The following UPP2 variants were observed in gnomAD, a reference collection of about 807,000 sequenced individuals.
UPP2 encodes UPase 2.
UPP2 carries 23 observed loss-of-function variants against 26.7 expected under a neutral mutation model. The observed-to-expected ratio is 0.86, with a 90% CI of 0.62 to 1.22. The LOEUF is 1.22. Ranked by LOEUF, UPP2 falls within the 50% of genes most tolerant of loss-of-function variation. The pLI, the probability that UPP2 is intolerant of heterozygous loss-of-function variation, is 0.00. For missense variants in UPP2, 387 were observed against 396.7 expected, an observed-to-expected ratio of 0.98 and a Z score of 0.21; for synonymous variants, 127 against 141.3, an observed-to-expected ratio of 0.90 and a Z score of 0.72.
At chr2:158,112,528 G>C (rs1175086997) in intron 2 of UPP2, among the ~76,000 whole-genome samples, 1 of 151,976 alleles carries the variant, frequency 6.6e-6, no homozygotes, top group African/African-American at 2.4e-5. Flanking sequence ...ATAAATCTTT[G>C]TGACCTTGGA....
chr2:158,086,225 T>A (rs184288884), intron 3 of UPP2, among the ~76,000 whole-genome samples: 216 of 152,236 alleles, frequency 1.4e-3, no homozygotes, highest in African/African-American at 3.8e-3. Flanking sequence ...TGGTTTAATC[T>A]GGGAGGGTTA....
chr2:158,097,201 T>G (rs1260741498), upstream of UPP2, among the ~76,000 whole-genome samples: 2 of 152,160 alleles, frequency 1.3e-5, no homozygotes, highest in Non-Finnish European at 2.9e-5. Flanking sequence ...AGTATGACAC[T>G]TCTTATGTGG....
At position 158,073,993 on chromosome 2, in the gene UPP2, A is replaced by G. The variant is rs78493129; in HGVS notation, c.148-28047A>G. On this transcript the variant is annotated intron_variant, in intron 3 of 9. Coordinates refer to the UPP2 transcript ENST00000605860. ...AGCTTGAGACCAGCTTGGGCAATGCAGTGAGACCTTGTCTCTCCAAATTTT... is the reference window on the plus strand; with the variant it reads ...AGCTTGAGACCAGCTTGGGCAATGCGGTGAGACCTTGTCTCTCCAAATTTT... Among the ~76,000 whole-genome samples, 947 of 152,254 alleles carry G rather than the reference A, an allele frequency of 6.2e-3. 6 individuals are homozygous for G. Among genetic ancestry groups the G allele is most frequent in the Middle Eastern group, 0.034 (10 of 294 alleles).
intron 6 of UPP2, among the ~76,000 whole-genome samples, chr2:158,131,847 T>C (rs1683825790): frequency 6.6e-6 from 1 of 152,250 alleles, no homozygotes; most frequent in African/African-American, 2.4e-5. Flanking sequence ...GATTATTATA[T>C]GCTGCTCGCT....
chr2:158,128,339 A>C (rs1683736345), intron 6 of UPP2, among the ~76,000 whole-genome samples: 1 of 152,192 alleles, frequency 6.6e-6, no homozygotes, highest in Non-Finnish European at 1.5e-5. Flanking sequence ...GCTGTTCCCA[A>C]CAATGAAGGA....
chr2:158,083,875 A>G (rs1682771376), intron 3 of UPP2, among the ~76,000 whole-genome samples: 1 of 148,768 alleles, frequency 6.7e-6, no homozygotes. Context: ...TTTTATATAT[A>G]TATATATATC....
intron 3 of UPP2, among the ~76,000 whole-genome samples, chr2:158,073,408 GA>G (rs1682575766): frequency 6.6e-6 from 1 of 152,086 alleles, no homozygotes; most frequent in South Asian, 2.1e-4. Context: ...AAAAAGATAG[GA>G]GTAGAAAGTT....
intron 3 of UPP2, among the ~76,000 whole-genome samples, chr2:158,033,766 T>G (rs1305153026): frequency 1.3e-5 from 2 of 152,220 alleles, no homozygotes; most frequent in Non-Finnish European, 2.9e-5. Flanking sequence ...AATGCTACCA[T>G]TAGGAGAGAT....
chr2:158,102,312 C>T (rs762126013), intron 1 of UPP2, among the ~76,000 whole-genome samples, 187 bp downstream of exon 1: 2 of 152,040 alleles, frequency 1.3e-5, no homozygotes, highest in Non-Finnish European at 2.9e-5. Flanking sequence ...ATTTTTACTC[C>T]TTGGTTTTGG....
Position 158,019,639 on chromosome 2 carries a change from AACACACACACACACACAC to A in UPP2, c.147+3785_147+3802del, listed in dbSNP as rs57149695. 1.5e-3 allele frequency among the ~76,000 whole-genome samples: 213 copies of A among 141,196 alleles called. 1 individual carries two copies. Among genetic ancestry groups the A allele is most frequent in the African/African-American group, 4.2e-3 (164 of 38,840 alleles). 92.6% of individuals were successfully genotyped at this position (141,196 alleles called of 152,430 possible). A position where few individuals can be genotyped will look rare whatever the true frequency, so the allele number is the denominator to read the frequency against. ...AGTGGAAGGAAATACAATCCTTTAAAACACACACACACACACACACACACACACACACACACACACACA... is the reference window on the plus strand; with the variant it reads ...AGTGGAAGGAAATACAATCCTTTAAAACACACACACACACACACACACACA... On this transcript the variant is annotated intron_variant, in intron 3 of 9. Transcript: ENST00000605860.
chr2:158,014,501 T>TA (rs1181829937), intron 2 of UPP2, among the ~76,000 whole-genome samples: 1 of 152,172 alleles, frequency 6.6e-6, no homozygotes, highest in East Asian at 1.9e-4. Context: ...CATCTCTTAT[T>TA]AAAAAGTACA....
chr2:158,117,196 C>A (rs943760892), intron 3 of UPP2, among the ~76,000 whole-genome samples: 2 of 151,728 alleles, frequency 1.3e-5, no homozygotes, highest in Admixed American at 6.6e-5. Context: ...TGTGTTGATC[C>A]CTTTTCTGGT....
intron 3 of UPP2, among the ~76,000 whole-genome samples, chr2:158,048,009 G>GGTTA (rs1360792643): frequency 3.9e-5 from 6 of 152,130 alleles, no homozygotes; most frequent in African/African-American, 1.4e-4. Context: ...GTTCAGTGAG[G>GGTTA]GTTAATGAAG....
Position 158,134,991 on chromosome 2 carries a change from C to A in UPP2, c.*101C>A. 2 of 1,332,514 alleles carry A rather than the reference C, an allele frequency of 1.5e-6. No individual in the cohort carries two copies. Among genetic ancestry groups the A allele is most frequent in the South Asian group, 1.9e-5 (1 of 51,498 alleles). 82.5% of individuals were successfully genotyped at this position (1,332,514 alleles called of 1,614,324 possible). A position where few individuals can be genotyped will look rare whatever the true frequency, so the allele number is the denominator to read the frequency against. The stretch of plus-strand genomic sequence containing the variant: ...TGTGGCATTTTTATATAGTTCTCAT[C>A]CACATGCTAAATGGAAAGACTTTAT... On this transcript the variant is annotated 3_prime_UTR_variant, in exon 7 of 7. Coordinates refer to ENST00000005756, the MANE Select transcript of UPP2 (RefSeq NM_173355.4).
chr2:158,096,746 A>G lies in UPP2; in HGVS notation c.148-5294A>G, dbSNP rs193199028. Among the ~76,000 whole-genome samples, 528 of 152,322 alleles carry G rather than the reference A, an allele frequency of 3.5e-3. 5 individuals are homozygous for G. Among genetic ancestry groups the G allele is most frequent in the African/African-American group, 0.012 (510 of 41,590 alleles). On this transcript the variant is annotated intron_variant, in intron 3 of 9. Transcript: ENST00000605860. The stretch of plus-strand genomic sequence containing the variant: ...TAACAATAATTTGATATCATTGCAT[A>G]TATAATATTAAATTTTTGAAAACAA...
At chr2:158,006,623 T>C (rs972575000) in intron 2 of UPP2, among the ~76,000 whole-genome samples, 1 of 152,066 alleles carries the variant, frequency 6.6e-6, no homozygotes, top group Non-Finnish European at 1.5e-5. Flanking sequence ...CCTCACATTT[T>C]AAAAAATAAA....
intron 3 of UPP2, among the ~76,000 whole-genome samples, chr2:158,061,949 G>A (rs373836646): frequency 2.6e-5 from 4 of 152,196 alleles, no homozygotes; most frequent in African/African-American, 9.7e-5. Flanking sequence ...CTATCCCAGC[G>A]ACAGGCATGT....
chr2:158,115,929 C>T (rs1683420832), intron 3 of UPP2, among the ~76,000 whole-genome samples: 1 of 152,180 alleles, frequency 6.6e-6, no homozygotes, highest in African/African-American at 2.4e-5. Flanking sequence ...ACTCTGAAGC[C>T]ATCACATTTC....
At chr2:158,038,771 C>T (rs1372104025) in intron 3 of UPP2, among the ~76,000 whole-genome samples, 1 of 152,080 alleles carries the variant, frequency 6.6e-6, no homozygotes, top group Non-Finnish European at 1.5e-5. Flanking sequence ...CATTAGAACT[C>T]TATTGAGGGT....
Sources: gnomAD v4.1 joint callset for allele counts (sites outside exome capture counted in the v4.1 genomes callset) on GRCh38, gnomAD v4.1.1 for gene constraint, MANE v1.5 for transcripts, NCBI Gene and HGNC (gene_info 2026-07-23, HGNC 2026-07-21) for gene names.